Variants in CTNNA2 observed in about 807,000 individuals in gnomAD.
CTNNA2 encodes catenin alpha-2.
CTNNA2 carries 42 observed loss-of-function variants against 101.0 expected under a neutral mutation model. The observed-to-expected ratio is 0.42, with a 90% CI of 0.32 to 0.54. The LOEUF (loss-of-function observed/expected upper bound fraction) is 0.54. CTNNA2 is among the 20% of genes least tolerant of loss of function. The probability of loss-of-function intolerance (pLI) is 0.14; values close to 1 mark genes in which losing one functional copy is unlikely to be tolerated. For synonymous variants in CTNNA2, 450 were observed against 456.4 expected, an observed-to-expected ratio of 0.99 and a Z score of 0.18; for missense variants, 871 against 1,223.1, an observed-to-expected ratio of 0.71 and a Z score of 4.29.
intron 2 of CTNNA2, among the ~76,000 whole-genome samples, chr2:79,287,937 A>G (rs925351054): frequency 2.0e-5 from 3 of 152,200 alleles, no homozygotes; most frequent in African/African-American, 7.2e-5. Context: ...CAGGTGCGGG[A>G]TATAATCTCC....
chr2:80,551,679 T>A (rs967036371), intron 11 of CTNNA2, among the ~76,000 whole-genome samples: 5 of 152,226 alleles, frequency 3.3e-5, no homozygotes, highest in African/African-American at 1.2e-4. Context: ...AGCATTAGGA[T>A]CTTGGTCAAG....
intron 9 of CTNNA2, among the ~76,000 whole-genome samples, chr2:80,536,211 C>A (rs1183767282): frequency 2.0e-5 from 3 of 152,080 alleles, no homozygotes; most frequent in Non-Finnish European, 2.9e-5. Context: ...AATGAATAAA[C>A]CTTCAGATGG....
At chr2:79,673,331 T>C (rs1371811270) in intron 2 of CTNNA2, among the ~76,000 whole-genome samples, 1 of 152,178 alleles carries the variant, frequency 6.6e-6, no homozygotes, top group Non-Finnish European at 1.5e-5. Context: ...AACACTGATA[T>C]ATTATAAATA....
intron 9 of CTNNA2, among the ~76,000 whole-genome samples, chr2:80,427,790 T>C (rs1681127262): frequency 6.6e-6 from 1 of 152,212 alleles, no homozygotes; most frequent in Non-Finnish European, 1.5e-5. Flanking sequence ...TCCTTCCCCT[T>C]GCACAATGCT....
chr2:80,207,497 G>C (rs1707604050), intron 7 of CTNNA2, among the ~76,000 whole-genome samples: 1 of 152,202 alleles, frequency 6.6e-6, no homozygotes, highest in Non-Finnish European at 1.5e-5. Flanking sequence ...CCAGTGAAGA[G>C]ATGGTGAGTG....
intron 2 of CTNNA2, among the ~76,000 whole-genome samples, chr2:79,304,041 T>C (rs1020609928): frequency 2.4e-4 from 36 of 152,022 alleles, no homozygotes; most frequent in Non-Finnish European, 8.8e-5. Context: ...GTGGCACATA[T>C]TGGCAGTCCA....
intron 7 of CTNNA2, among the ~76,000 whole-genome samples, chr2:79,957,276 C>CTT (rs1476808085): frequency 6.6e-6 from 1 of 152,172 alleles, no homozygotes; most frequent in African/African-American, 2.4e-5. Context: ...GTCCCTCATT[C>CTT]TTTACCCTTA....
At chr2:80,093,333 C>A (rs1314090505) in intron 7 of CTNNA2, among the ~76,000 whole-genome samples, 2 of 152,112 alleles carry the variant, frequency 1.3e-5, no homozygotes, top group Non-Finnish European at 2.9e-5. Flanking sequence ...AGGACATGAA[C>A]TCATCATTTT....
chr2:80,505,687 C>T (rs185711330), intron 9 of CTNNA2, among the ~76,000 whole-genome samples: 3 of 152,190 alleles, frequency 2.0e-5, no homozygotes, highest in Non-Finnish European at 2.9e-5. Flanking sequence ...TTGTTCCCAA[C>T]GTCCAGTAAG....
intron 7 of CTNNA2, among the ~76,000 whole-genome samples, chr2:80,363,678 T>C (rs1223909612): frequency 1.3e-5 from 2 of 152,144 alleles, no homozygotes; most frequent in Non-Finnish European, 2.9e-5. Context: ...GTAGCAGGTA[T>C]ACACACCAAT....
chr2:79,429,298 T>C (rs11678463), intron 4 of CTNNA2, among the ~76,000 whole-genome samples: 5,284 of 152,238 alleles, frequency 0.035, 125 homozygotes, highest in Non-Finnish European at 0.051. Flanking sequence ...TTTAGGTCTA[T>C]GACTATTGCA....
At chr2:80,631,466 C>T (rs12615299) in intron 18 of CTNNA2, among the ~76,000 whole-genome samples, 48,022 of 151,400 alleles carry the variant, frequency 0.32, 8,948 homozygotes, top group East Asian at 0.46. Context: ...AACTCAGCCT[C>T]GTTGCAAGGG....
At chr2:79,658,121 CT>C (rs1322577571) in intron 2 of CTNNA2, among the ~76,000 whole-genome samples, 1 of 151,618 alleles carries the variant, frequency 6.6e-6, no homozygotes, top group Non-Finnish European at 1.5e-5. Context: ...TTATTTTTTT[CT>C]GTATGAAGTG....
intron 7 of CTNNA2, among the ~76,000 whole-genome samples, chr2:79,951,359 C>G (rs74888687): frequency 0.012 from 1,752 of 152,234 alleles, 81 homozygotes; most frequent in East Asian, 0.086. Context: ...ATTAAATTTA[C>G]CCCTGCATTT....
intron 4 of CTNNA2, among the ~76,000 whole-genome samples, chr2:79,495,854 G>A (rs1671250915): frequency 6.6e-6 from 1 of 151,886 alleles, no homozygotes; most frequent in Non-Finnish European, 1.5e-5. Context: ...GTGAAAGAGG[G>A]CAGTTACAAA....
At chr2:80,286,098 A>G (rs1674743400) in intron 7 of CTNNA2, among the ~76,000 whole-genome samples, 1 of 152,064 alleles carries the variant, frequency 6.6e-6, no homozygotes, top group African/African-American at 2.4e-5. Flanking sequence ...CCTGATTTCC[A>G]CTTACCTGCT....
chr2:79,875,046 A>G (rs1682905184), intron 6 of CTNNA2, among the ~76,000 whole-genome samples: 1 of 152,146 alleles, frequency 6.6e-6, no homozygotes, highest in South Asian at 2.1e-4. Context: ...ATGATCCCAC[A>G]CAGGACCCTG....
At chr2:79,857,948 T>A in intron 3 of CTNNA2, 65 bp from the exon 4 acceptor site, 1 of 1,508,316 alleles carries the variant, frequency 6.6e-7, no homozygotes, top group Non-Finnish European at 9.1e-7. Flanking sequence ...CATTCACAGA[T>A]CTTTAGGATG....
chr2:80,160,754 G>A (rs1304658090), intron 7 of CTNNA2, among the ~76,000 whole-genome samples: 3 of 151,972 alleles, frequency 2.0e-5, no homozygotes, highest in East Asian at 3.9e-4. Context: ...CAATTGCTAT[G>A]CCTTTTATTT....
Sources: allele counts gnomAD v4.1 joint callset (sites outside exome capture counted in the v4.1 genomes callset), GRCh38; gene constraint gnomAD v4.1.1; transcripts MANE v1.5; gene names NCBI Gene and HGNC (gene_info 2026-07-23, HGNC 2026-07-21).